The following NRXN3 variants were observed in gnomAD, a reference collection of about 807,000 sequenced individuals.
NRXN3 encodes neurexin 3.
A neutral mutation model predicts 137.6 loss-of-function variants in NRXN3; 32 were observed. That is an observed-to-expected ratio of 0.23 (90% CI 0.18 to 0.31). The LOEUF (loss-of-function observed/expected upper bound fraction) is 0.31. Among genes scored for constraint, NRXN3 ranks in the 10% least tolerant of loss-of-function variants. The probability of loss-of-function intolerance (pLI) is 1.00; values close to 1 mark genes in which losing one functional copy is unlikely to be tolerated. For synonymous variants in NRXN3, 798 were observed against 784.5 expected, an observed-to-expected ratio of 1.02 and a Z score of -0.29; for missense variants, 1,574 against 2,062.5, an observed-to-expected ratio of 0.76 and a Z score of 4.59.
At chr14:78,524,213 G>C (rs574634023) in intron 4 of NRXN3, among the ~76,000 whole-genome samples, 5 of 152,018 alleles carry the variant, frequency 3.3e-5, no homozygotes, top group Admixed American at 6.6e-5. Context: ...TGTCTTTACT[G>C]GATAGTTTCG....
chr14:79,399,643 A>T (rs1214756374), intron 15 of NRXN3, among the ~76,000 whole-genome samples: 1 of 152,234 alleles, frequency 6.6e-6, no homozygotes, highest in Admixed American at 6.5e-5. Context: ...GATTAATGAA[A>T]CAAATACTGA....
intron 8 of NRXN3, among the ~76,000 whole-genome samples, chr14:78,790,704 A>T (rs1181744484): frequency 6.6e-6 from 1 of 152,168 alleles, no homozygotes; most frequent in East Asian, 1.9e-4. Context: ...GTACAGAAAG[A>T]GAAAAGGGTG....
intron 15 of NRXN3, among the ~76,000 whole-genome samples, chr14:79,213,625 T>TTG (rs1193508698): frequency 1.3e-4 from 18 of 138,068 alleles, no homozygotes; most frequent in African/African-American, 4.8e-4. Context: ...CCTTTTTTTT[T>TTG]GGGGGGGGGT....
At chr14:78,699,172 G>C (rs547336600) in intron 6 of NRXN3, among the ~76,000 whole-genome samples, 2 of 152,178 alleles carry the variant, frequency 1.3e-5, no homozygotes, top group East Asian at 3.9e-4. Context: ...TGAAGCCATG[G>C]GGGCGGAGAG....
rs144839930 is a variant in NRXN3 at position 78,171,219 on chromosome 14, CT to C, written c.-704+562del. ...TGACGTGTATGTGAGTGTGTGTGTG[CT>C]TTTTTTTTTTTTTTTTGAGGGGGTG... On this transcript the variant is annotated intron_variant, in intron 1 of 20. Transcript: ENST00000335750. 5.6e-3 allele frequency among the ~76,000 whole-genome samples: 675 copies of C among 121,412 alleles called. 7 individuals are homozygous for C. The highest frequency in any genetic ancestry group is 0.013 in the East Asian group (55 of 4,252). The allele number at this position is 121,412 out of a possible 152,430, so 79.7% of individuals were successfully genotyped here.
At chr14:79,380,461 C>T (rs182197836) in intron 15 of NRXN3, among the ~76,000 whole-genome samples, 4 of 150,422 alleles carry the variant, frequency 2.7e-5, no homozygotes, top group African/African-American at 4.9e-5. Context: ...GGTTTTCTGT[C>T]CTTGCGATAG....
chr14:78,911,852 G>A (rs1024206105), intron 10 of NRXN3, among the ~76,000 whole-genome samples: 3 of 151,942 alleles, frequency 2.0e-5, no homozygotes, highest in Non-Finnish European at 4.4e-5. Flanking sequence ...TAAATATTTA[G>A]GCCTTAAGGA....
chr14:78,559,599 A>T (rs2152260734), intron 4 of NRXN3, among the ~76,000 whole-genome samples: 1 of 152,352 alleles, frequency 6.6e-6, no homozygotes, highest in Non-Finnish European at 1.5e-5. Context: ...GTACCAGTTC[A>T]GATTACCACC....
At chr14:78,659,170 A>G (rs2097811759) in intron 6 of NRXN3, among the ~76,000 whole-genome samples, 1 of 152,148 alleles carries the variant, frequency 6.6e-6, no homozygotes, top group Non-Finnish European at 1.5e-5. Flanking sequence ...ATACAAAGGA[A>G]AGACCATGTG....
chr14:78,990,969 A>T (rs7159854), intron 15 of NRXN3, among the ~76,000 whole-genome samples: 5,603 of 152,268 alleles, frequency 0.037, 187 homozygotes, highest in African/African-American at 0.092. Context: ...TCTCACAAAC[A>T]TCTTCAAAAT....
chr14:79,831,166 G>T (rs1348469559), intron 20 of NRXN3, among the ~76,000 whole-genome samples: 3 of 152,114 alleles, frequency 2.0e-5, no homozygotes, highest in African/African-American at 7.2e-5. Context: ...TAAGAAAAAC[G>T]CTTGCTTTAT....
intron 4 of NRXN3, among the ~76,000 whole-genome samples, chr14:78,423,362 A>G (rs555165169): frequency 6.6e-6 from 1 of 152,302 alleles, no homozygotes; most frequent in South Asian, 2.1e-4. Flanking sequence ...TATGACTATA[A>G]ATTCACTTCT....
chr14:79,406,659 A>G (rs1236865025), intron 15 of NRXN3, among the ~76,000 whole-genome samples: 2 of 152,048 alleles, frequency 1.3e-5, no homozygotes, highest in African/African-American at 4.8e-5. Context: ...TTTTGAAAAT[A>G]TATTCATATC....
chr14:78,799,551 A>G (rs1391572790), intron 8 of NRXN3, among the ~76,000 whole-genome samples: 2 of 152,302 alleles, frequency 1.3e-5, no homozygotes, highest in South Asian at 2.1e-4. Context: ...ACCCAGTTCC[A>G]AAGTTGCTTC....
chr14:78,368,708 C>T (rs1181589477), intron 4 of NRXN3, among the ~76,000 whole-genome samples: 1 of 152,090 alleles, frequency 6.6e-6, no homozygotes, highest in African/African-American at 2.4e-5. Context: ...AGAACAACAA[C>T]AACAAAAACT....
At chr14:78,401,403 G>A (rs2092046476) in intron 4 of NRXN3, among the ~76,000 whole-genome samples, 2 of 152,172 alleles carry the variant, frequency 1.3e-5, no homozygotes, top group Non-Finnish European at 2.9e-5. Flanking sequence ...GACCTCAGGT[G>A]ATCTGCCCTC....
intron 14 of NRXN3, among the ~76,000 whole-genome samples, chr14:78,972,637 C>T (rs944732913): frequency 1.5e-4 from 23 of 152,134 alleles, no homozygotes; most frequent in African/African-American, 5.1e-4. Context: ...TGATGCGCCC[C>T]TGCCCTGCTC....
chr14:79,361,643 G>C (rs2093684986), intron 15 of NRXN3, among the ~76,000 whole-genome samples: 1 of 152,174 alleles, frequency 6.6e-6, no homozygotes, highest in African/African-American at 2.4e-5. Flanking sequence ...CTTGAACCCA[G>C]GAGGCAGAGG....
chr14:79,402,038 T>A (rs2095213627), intron 15 of NRXN3, among the ~76,000 whole-genome samples: 1 of 152,150 alleles, frequency 6.6e-6, no homozygotes, highest in South Asian at 2.1e-4. Flanking sequence ...CACCTCAGCT[T>A]ACCAAGGAGC....
Sources: gnomAD v4.1 joint callset for allele counts (sites outside exome capture counted in the v4.1 genomes callset) on GRCh38, gnomAD v4.1.1 for gene constraint, MANE v1.5 for transcripts, NCBI Gene and HGNC (gene_info 2026-07-23, HGNC 2026-07-21) for gene names.